Variants in STMP1 observed in about 807,000 individuals in gnomAD.
STMP1 encodes the protein short transmembrane mitochondrial protein 1, also known as mitolamban.
In STMP1, 7 loss-of-function variants were observed where a neutral mutation model predicts 7.0. That is an observed-to-expected ratio of 1.01 (90% CI 0.57 to 1.89). The LOEUF (loss-of-function observed/expected upper bound fraction) is 1.89. Ranked by LOEUF, STMP1 falls within the 40% of genes most tolerant of loss-of-function variation. The pLI is 0.00. For missense variants in STMP1, 45 were observed against 53.0 expected (o/e 0.85, Z 0.47); for synonymous variants, 19 against 18.4 (o/e 1.03, Z -0.08).
chr7:135,662,647 C>G, intron 1 of STMP1, 53 bp downstream of exon 1: 2 of 1,535,128 alleles, frequency 1.3e-6, no homozygotes, highest in Non-Finnish European at 1.8e-6. Context: ...TGCCTCGGAC[C>G]CCATTTCCCC....
intron 1 of STMP1, among the ~76,000 whole-genome samples, chr7:135,665,166 C>T (rs998518693): frequency 1.3e-5 from 2 of 152,176 alleles, no homozygotes; most frequent in Admixed American, 6.5e-5. Flanking sequence ...TGGGGATTAG[C>T]TTCTCTCAGA....
In STMP1 at chr7:135,674,819, T is replaced by C. The variant is rs574823935; in HGVS notation, c.*654T>C. ...CCAGTAGAGTTCATAGTCTATTTAG[T>C]GTGCATGTTTTTCCTTAATGATGTA... On this transcript the variant is annotated 3_prime_UTR_variant, in exon 3 of 3. Coordinates refer to ENST00000507606, the MANE Select transcript of STMP1 (RefSeq NM_001130929.2). 6.6e-5 allele frequency: 10 copies of C among 152,340 alleles called. No homozygotes were observed. Among genetic ancestry groups the C allele is most frequent in the African/African-American group, 2.4e-4 (10 of 41,582 alleles). The allele number at this position is 152,340 out of a possible 1,614,324, so 9.4% of individuals were successfully genotyped here.
intron 1 of STMP1, among the ~76,000 whole-genome samples, chr7:135,670,233 G>A (rs1232084399): frequency 1.3e-5 from 2 of 152,256 alleles, no homozygotes; most frequent in South Asian, 2.1e-4. Flanking sequence ...TTGAGCTTGG[G>A]AAGAAAGCAT....
chr7:135,670,690 T>C (rs1795348089), intron 1 of STMP1, among the ~76,000 whole-genome samples: 1 of 149,478 alleles, frequency 6.7e-6, no homozygotes, highest in Admixed American at 6.6e-5. Flanking sequence ...GGTTTTTGTT[T>C]TGTGTTGTGT....
intron 2 of STMP1, chr7:135,673,026 T>C: frequency 1.8e-6 from 1 of 550,556 alleles, no homozygotes; most frequent in Non-Finnish European, 3.2e-6. Flanking sequence ...ATCCCTTCAG[T>C]TTAGCTGGGC....
At chr7:135,671,179 G>A (rs971631516) in intron 1 of STMP1, among the ~76,000 whole-genome samples, 2 of 152,144 alleles carry the variant, frequency 1.3e-5, no homozygotes, top group African/African-American at 4.8e-5. Context: ...TTAATCAAAT[G>A]ATCAGAACGG....
Position 135,662,541 on chromosome 7 carries a change from GCAGT to G in STMP1, c.-37_-34del. 1 of 1,543,986 alleles carries G rather than the reference GCAGT, an allele frequency of 6.5e-7. No homozygotes were observed. The highest frequency in any genetic ancestry group is 8.7e-7 in the Non-Finnish European group (1 of 1,144,172). ...GCTCGGACCGGCCCGCGGAGCTGCT[GCAGT>G]CCTTCGCGCCCTCCTCGCCCTCCCC... On this transcript the variant is annotated 5_prime_UTR_variant, in exon 1 of 3. Transcript: ENST00000507606.
chr7:135,667,876 G>T (rs533680768), intron 1 of STMP1, among the ~76,000 whole-genome samples: 12 of 152,034 alleles, frequency 7.9e-5, no homozygotes, highest in Non-Finnish European at 1.6e-4. Context: ...ACTCATGAAG[G>T]TTTACGCCTA....
At chr7:135,662,677 G>C (rs993964382) in intron 1 of STMP1, 83 bp downstream of exon 1, 1 of 1,470,564 alleles carries the variant, frequency 6.8e-7, no homozygotes, top group African/African-American at 1.4e-5. Context: ...TGCCGACCCC[G>C]CCGACCCGGC....
At chr7:135,671,253 AT>A (rs1795355421) in intron 1 of STMP1, among the ~76,000 whole-genome samples, 1 of 152,190 alleles carries the variant, frequency 6.6e-6, no homozygotes, top group South Asian at 2.1e-4. Flanking sequence ...ACCAATTTAA[AT>A]TATACTTTTG....
chr7:135,675,647 C>T lies in STMP1; in HGVS notation c.*1482C>T, dbSNP rs1024668370. On this transcript the variant is annotated 3_prime_UTR_variant, in exon 3 of 3. Transcript: ENST00000507606. Reference sequence around the variant, plus strand: ...ACCCATTTCGCTAGCTGTTTTGTTTCAGAGGACTTGTTGAGCAGCTTCACT... The same window carrying T: ...ACCCATTTCGCTAGCTGTTTTGTTTTAGAGGACTTGTTGAGCAGCTTCACT... 1 of 152,150 alleles carries T rather than the reference C, an allele frequency of 6.6e-6. No homozygotes were observed. The highest frequency in any genetic ancestry group is 1.5e-5 in the Non-Finnish European group (1 of 68,032). The allele number at this position is 152,150 out of a possible 1,614,324, so 9.4% of individuals were successfully genotyped here.
At chr7:135,666,476 G>A (rs1795293059) in intron 1 of STMP1, among the ~76,000 whole-genome samples, 1 of 152,048 alleles carries the variant, frequency 6.6e-6, no homozygotes, top group Non-Finnish European at 1.5e-5. Flanking sequence ...ACCTTCCCAA[G>A]TAGCTGGGAT....
intron 1 of STMP1, among the ~76,000 whole-genome samples, chr7:135,668,862 T>A (rs537225587): frequency 1.3e-5 from 2 of 152,324 alleles, no homozygotes; most frequent in South Asian, 4.1e-4. Context: ...TTTTCCACAT[T>A]CAGTTTTCTT....
intron 1 of STMP1, among the ~76,000 whole-genome samples, chr7:135,668,129 T>C (rs1312423891): frequency 6.6e-6 from 1 of 152,216 alleles, no homozygotes. Flanking sequence ...TAAGCCTTTA[T>C]GGTGTATTCC....
intron 1 of STMP1, 42 bp downstream of exon 1, chr7:135,662,636 G>T: frequency 6.5e-7 from 1 of 1,540,690 alleles, no homozygotes; most frequent in African/African-American, 1.4e-5. Flanking sequence ...TGCCTGGGGC[G>T]TGCCTCGGAC....
At chr7:135,671,165 C>G (rs1795353253) in intron 1 of STMP1, among the ~76,000 whole-genome samples, 1 of 152,184 alleles carries the variant, frequency 6.6e-6, no homozygotes, top group Non-Finnish European at 1.5e-5. Flanking sequence ...CAGGCCATAT[C>G]TGATTAATCA....
intron 2 of STMP1, 91 bp from the exon 3 acceptor site, chr7:135,674,000 C>T: frequency 1.2e-6 from 1 of 801,940 alleles, no homozygotes; most frequent in Non-Finnish European, 2.0e-6. Context: ...AAGATAAAAG[C>T]TTGTAAAACC....
rs949267687 is a variant in STMP1 at position 135,674,958 on chromosome 7, A to G, written c.*793A>G. On this transcript the variant is annotated 3_prime_UTR_variant, in exon 3 of 3. Coordinates refer to ENST00000507606, the MANE Select transcript of STMP1 (RefSeq NM_001130929.2). ...TAAAGGAGATTTTATACCTTTTCAC[A>G]TTAAAAAAGGTATTTATATTATTAC... is the stretch of plus-strand genomic sequence containing the variant. 6.6e-5 allele frequency: 10 copies of G among 152,230 alleles called. No homozygotes were observed. The highest frequency in any genetic ancestry group is 2.2e-4 in the African/African-American group (9 of 41,454). 9.4% of individuals were successfully genotyped at this position (152,230 alleles called of 1,614,324 possible).
rs546017718 is a variant in STMP1, at chr7:135,670,508, C to A, written c.16-2245C>A. On this transcript the variant is annotated intron_variant, in intron 1 of 2. Coordinates refer to ENST00000507606, the MANE Select transcript of STMP1 (RefSeq NM_001130929.2). The stretch of plus-strand genomic sequence containing the variant: ...GGTTTTACTTTTTTGTCTAAACTTG[C>A]CTACTGACCATCCCGTGAATGACAT... 1.2e-4 allele frequency among the ~76,000 whole-genome samples: 19 copies of A among 152,294 alleles called. No individual in the cohort carries two copies. The South Asian group carries it at 3.9e-3, about 32-fold the overall frequency.
Sources: gnomAD v4.1 joint callset for allele counts (sites outside exome capture counted in the v4.1 genomes callset) on GRCh38, gnomAD v4.1.1 for gene constraint, MANE v1.5 for transcripts, NCBI Gene and HGNC (gene_info 2026-07-23, HGNC 2026-07-21) for gene names.